The following GMDS variants were observed in gnomAD, a reference collection of about 807,000 sequenced individuals.
GMDS encodes the protein GDP-mannose 4,6 dehydratase.
In GMDS, 20 loss-of-function variants were observed where a neutral mutation model predicts 49.9. That is an observed-to-expected ratio of 0.40 (90% CI 0.28 to 0.58). GMDS has a LOEUF of 0.58. GMDS is among the 20% of genes least tolerant of loss of function. The pLI is 0.42. For missense variants in GMDS, 362 were observed against 481.4 expected, an observed-to-expected ratio of 0.75 and a Z score of 2.32; for synonymous variants, 177 against 178.6, an observed-to-expected ratio of 0.99 and a Z score of 0.07.
chr6:1,924,442 C>G (rs1330340773), intron 7 of GMDS, among the ~76,000 whole-genome samples: 8 of 152,180 alleles, frequency 5.3e-5, no homozygotes, highest in Non-Finnish European at 1.2e-4. Context: ...TGGAAAGAGG[C>G]TGGACTTAGG....
chr6:2,059,916 T>C (rs189444383), intron 4 of GMDS, among the ~76,000 whole-genome samples: 21 of 152,082 alleles, frequency 1.4e-4, no homozygotes, highest in South Asian at 4.2e-4. Context: ...ATTCTCAACA[T>C]TGGTATTAGA....
intron 7 of GMDS, among the ~76,000 whole-genome samples, chr6:1,879,724 C>T (rs920349353): frequency 2.0e-5 from 3 of 152,120 alleles, no homozygotes; most frequent in African/African-American, 7.2e-5. Context: ...AATCCACTGA[C>T]TCTTTTCAGA....
intron 4 of GMDS, among the ~76,000 whole-genome samples, chr6:1,967,715 C>T (rs1764348268): frequency 6.6e-6 from 1 of 152,192 alleles, no homozygotes; most frequent in South Asian, 2.1e-4. Context: ...TCAGGGCAGC[C>T]TCAGGGGCGA....
chr6:2,166,608 T>C lies in GMDS; in HGVS notation c.103-41877A>G, dbSNP rs77744832. Among the ~76,000 whole-genome samples, 85 of 152,332 alleles carry C rather than the reference T, an allele frequency of 5.6e-4. 1 individual carries two copies. In the East Asian group the frequency reaches 0.015, roughly 26 times the overall value. The stretch of plus-strand genomic sequence containing the variant: ...CAAATAGCTGCTCTTAGATTCTTCA[T>C]CTGGAATGGCAGAGTAAGAAGATTT... On this transcript the variant is annotated intron_variant, in intron 1 of 10. Coordinates refer to ENST00000380815, the MANE Select transcript of GMDS (RefSeq NM_001500.4).
At chr6:1,856,791 C>G (rs1228806694) in intron 7 of GMDS, among the ~76,000 whole-genome samples, 1 of 152,182 alleles carries the variant, frequency 6.6e-6, no homozygotes, top group Non-Finnish European at 1.5e-5. Flanking sequence ...ACCCTTGTGA[C>G]CAATCACTTT....
intron 1 of GMDS, among the ~76,000 whole-genome samples, chr6:2,131,257 A>G (rs1039573034): frequency 3.3e-5 from 5 of 152,208 alleles, no homozygotes; most frequent in African/African-American, 9.7e-5. Flanking sequence ...ATTTTCTATA[A>G]TTTAGGCAAA....
chr6:1,851,873 C>A (rs931174266), intron 7 of GMDS, among the ~76,000 whole-genome samples: 1 of 152,166 alleles, frequency 6.6e-6, no homozygotes, highest in Non-Finnish European at 1.5e-5. Flanking sequence ...CGACAGGCTC[C>A]ACCCACAGCA....
intron 1 of GMDS, among the ~76,000 whole-genome samples, chr6:2,195,820 CAAA>C (rs34797269): frequency 1.8e-5 from 2 of 108,318 alleles, no homozygotes; most frequent in African/African-American, 3.4e-5. Context: ...TTGTCTCTAC[CAAA>C]AAAAAAAAAA....
intron 9 of GMDS, among the ~76,000 whole-genome samples, chr6:1,706,433 G>T (rs1370688477): frequency 6.6e-6 from 1 of 152,206 alleles, no homozygotes; most frequent in African/African-American, 2.4e-5. Flanking sequence ...TGAGGCCTGT[G>T]AAAAATACTT....
intron 6 of GMDS, among the ~76,000 whole-genome samples, chr6:1,958,903 C>T (rs1763785681): frequency 6.6e-6 from 1 of 152,172 alleles, no homozygotes; most frequent in Non-Finnish European, 1.5e-5. Flanking sequence ...CTTTCTCATG[C>T]TTCAGTAAAT....
chr6:2,201,830 C>A lies in GMDS; in HGVS notation c.102+43491G>T, dbSNP rs234952. On this transcript the variant is annotated intron_variant, in intron 1 of 10. Transcript: ENST00000380815. ...TGAGGACAGCATGTTAGCAGAGAGG[C>A]GAAGGATGAAGAGAGAGCACCACAT... Among the ~76,000 whole-genome samples, 11 of 68,300 alleles carry A rather than the reference C, an allele frequency of 1.6e-4. No homozygotes were observed. In the South Asian group the frequency reaches 2.0e-3, roughly 12 times the overall value. The allele number at this position is 68,300 out of a possible 152,430, so 44.8% of individuals were successfully genotyped here.
At chr6:1,964,893 T>C (rs190631827) in intron 4 of GMDS, among the ~76,000 whole-genome samples, 166 of 152,282 alleles carry the variant, frequency 1.1e-3, no homozygotes, top group Non-Finnish European at 2.1e-3. Flanking sequence ...CATTGTTCAA[T>C]TGCCACCTAT....
At position 1,939,179 on chromosome 6, in the gene GMDS, T is replaced by C. The variant is rs192218281; in HGVS notation, c.644-8949A>G. Reference sequence around the variant, plus strand: ...TATTCTGAATTAGATAATTCCAGTATCTGAAGTTTTGGGGGGACTTATTTA... The same window carrying C: ...TATTCTGAATTAGATAATTCCAGTACCTGAAGTTTTGGGGGGACTTATTTA... On this transcript the variant is annotated intron_variant, in intron 6 of 10. Transcript: ENST00000380815. Among the ~76,000 whole-genome samples the C allele has an allele frequency of 2.2e-3, 340 of 152,312 alleles. 8 individuals are homozygous for C. The highest frequency in any genetic ancestry group is 0.022 in the Admixed American group (339 of 15,284).
At chr6:1,884,977 T>C (rs1445011541) in intron 7 of GMDS, among the ~76,000 whole-genome samples, 2 of 152,248 alleles carry the variant, frequency 1.3e-5, no homozygotes, top group Admixed American at 1.3e-4. Context: ...GATTTAACTA[T>C]AGGAGGAAAC....
At chr6:2,143,805 A>G (rs910504448) in intron 1 of GMDS, among the ~76,000 whole-genome samples, 10 of 152,226 alleles carry the variant, frequency 6.6e-5, no homozygotes, top group Admixed American at 2.6e-4. Flanking sequence ...AAGGCTCTTC[A>G]TTTAACTATC....
At chr6:1,728,889 T>G (rs994402207) in intron 8 of GMDS, among the ~76,000 whole-genome samples, 2 of 152,030 alleles carry the variant, frequency 1.3e-5, no homozygotes, top group African/African-American at 4.8e-5. Flanking sequence ...TATTATTTTC[T>G]TCTTTTTTTA....
chr6:2,149,202 G>T (rs1249623831), intron 1 of GMDS, among the ~76,000 whole-genome samples: 1 of 152,072 alleles, frequency 6.6e-6, no homozygotes, highest in Non-Finnish European at 1.5e-5. Flanking sequence ...GAAAAAAAAG[G>T]TAGGCAACTA....
intron 9 of GMDS, among the ~76,000 whole-genome samples, chr6:1,688,912 A>G (rs1426186256): frequency 6.6e-6 from 1 of 152,222 alleles, no homozygotes; most frequent in East Asian, 1.9e-4. Context: ...GCACTTCAAC[A>G]TCAGCCATTT....
At chr6:2,173,556 T>C (rs971645688) in intron 1 of GMDS, among the ~76,000 whole-genome samples, 8 of 152,268 alleles carry the variant, frequency 5.3e-5, no homozygotes, top group African/African-American at 1.7e-4. Context: ...CATTTTTCTT[T>C]GTATAATTAA....
Sources: gnomAD v4.1 joint callset for allele counts (sites outside exome capture counted in the v4.1 genomes callset) on GRCh38, gnomAD v4.1.1 for gene constraint, MANE v1.5 for transcripts, NCBI Gene and HGNC (gene_info 2026-07-23, HGNC 2026-07-21) for gene names.